The following ST6GALNAC6 variants were observed in gnomAD, a reference collection of about 807,000 sequenced individuals.
ST6GALNAC6 encodes ST6 N-acetylgalactosaminide alpha-2,6-sialyltransferase 6, also known as alpha-N-acetylgalactosaminide alpha-2,6-sialyltransferase 6.
A neutral mutation model predicts 34.3 loss-of-function variants in ST6GALNAC6; 19 were observed. The observed-to-expected ratio is 0.55, with a 90% confidence interval of 0.39 to 0.81. ST6GALNAC6 has a LOEUF of 0.81. Ranked by LOEUF, ST6GALNAC6 falls within the 40% of genes least tolerant of loss-of-function variation. The pLI is 0.00. For synonymous variants in ST6GALNAC6, 185 were observed against 182.1 expected, an observed-to-expected ratio of 1.02 and a Z score of -0.13; for missense variants, 377 against 467.7, an observed-to-expected ratio of 0.81 and a Z score of 1.79.
chr9:127,891,173 C>T (rs1564486799), intron 4 of ST6GALNAC6, 130 bp from the exon 5 acceptor site: 3 of 1,150,742 alleles, frequency 2.6e-6, no homozygotes, highest in Non-Finnish European at 3.6e-6. Context: ...CCCATTCATT[C>T]CACATTCAGC....
chr9:127,901,533 G>C (rs980502169), upstream of ST6GALNAC6, among the ~76,000 whole-genome samples: 1 of 150,598 alleles, frequency 6.6e-6, no homozygotes, highest in Non-Finnish European at 1.5e-5. Context: ...GCTTGAACCT[G>C]AGAGGCGGGA....
At position 127,890,543 on chromosome 9, in the gene ST6GALNAC6, G is replaced by T; in HGVS notation, c.704+94C>A. 1 of 1,565,582 alleles carries T rather than the reference G, an allele frequency of 6.4e-7. No individual in the cohort carries two copies. The highest frequency in any genetic ancestry group is 1.3e-5 in the African/African-American group (1 of 74,076). Reference sequence around the variant, plus strand: ...GACGGCGGGACTTGACTACCCCTCAGAGCAGTGCATGCTGGGAGCAACAGG... The same window carrying T: ...GACGGCGGGACTTGACTACCCCTCATAGCAGTGCATGCTGGGAGCAACAGG... On this transcript the variant is annotated intron_variant, in intron 5 of 6. Coordinates refer to ENST00000373146, the MANE Select transcript of ST6GALNAC6 (RefSeq NM_013443.5). The surrounding 1 kb of genome is among the most constrained non-coding windows in gnomAD (Gnocchi z 4.3).
chr9:127,894,788 T>C, intron 3 of ST6GALNAC6, 97 bp from the exon 4 acceptor site: 1 of 1,420,252 alleles, frequency 7.0e-7, no homozygotes. Flanking sequence ...TCCTGCTTTT[T>C]GTTGCAGACC....
upstream of ST6GALNAC6, among the ~76,000 whole-genome samples, chr9:127,901,732 G>T (rs1037310785): frequency 6.6e-6 from 1 of 152,210 alleles, no homozygotes; most frequent in African/African-American, 2.4e-5. Flanking sequence ...AGGAGTTTGA[G>T]ACAAGCCAGA....
chr9:127,895,974 C>G (rs553241287), intron 3 of ST6GALNAC6, among the ~76,000 whole-genome samples: 1 of 152,344 alleles, frequency 6.6e-6, no homozygotes, highest in South Asian at 2.1e-4. Context: ...ACAGTCACCT[C>G]GGCTAGTCCT....
chr9:127,903,642 C>T (rs1432124199), upstream of ST6GALNAC6: 1 of 152,222 alleles, frequency 6.6e-6, no homozygotes, highest in Non-Finnish European at 1.5e-5. Flanking sequence ...CCACCTCCAT[C>T]CGCTTCCTGA....
Position 127,886,025 on chromosome 9 carries a change from G to A in ST6GALNAC6, c.*574C>T, listed in dbSNP as rs187826118. The A allele has an allele frequency of 3.7e-3, 571 of 154,736 alleles. 2 individuals are homozygous for A. Among genetic ancestry groups the A allele is most frequent in the Non-Finnish European group, 5.3e-3 (368 of 69,792 alleles). The allele number at this position is 154,736 out of a possible 1,614,324, so 9.6% of individuals were successfully genotyped here. On this transcript the variant is annotated 3_prime_UTR_variant, in exon 7 of 7. Transcript: ENST00000373146. ...GAAGGGTGCCCAGAGAGGGGGAAGG[G>A]TTTGTCCAAGGTCTCAGGGCAGAGC...
Position 127,894,608 on chromosome 9 carries a change from G to A in ST6GALNAC6, c.201C>T (p.Val67=). Reference sequence around the variant, plus strand: ...GGCCCCGCAGGGAGCCGTAATGGAAGACCTCATTGGCACTGTTGGAGCTGT... The same window carrying A: ...GGCCCCGCAGGGAGCCGTAATGGAAAACCTCATTGGCACTGTTGGAGCTGT... The part of the protein sequence containing the change: ...ILYSSNSANE[V]FHYGSLRGRS... Residue 67 remains valine, a synonymous_variant, in exon 4 of 7, where the codon GTC becomes GTT. Coordinates refer to ENST00000373146, the MANE Select transcript of ST6GALNAC6 (RefSeq NM_013443.5). 2 of 1,614,218 alleles carry A rather than the reference G, an allele frequency of 1.2e-6. No individual in the cohort carries two copies. Among genetic ancestry groups the A allele is most frequent in the Non-Finnish European group, 1.7e-6 (2 of 1,180,038 alleles).
upstream of ST6GALNAC6, among the ~76,000 whole-genome samples, chr9:127,901,364 CG>C (rs1830752099): frequency 6.6e-6 from 1 of 151,628 alleles, no homozygotes; most frequent in Admixed American, 6.6e-5. Flanking sequence ...GGGAGGCAGG[CG>C]GATCACTTGA....
chr9:127,901,816 C>T (rs1403346332), upstream of ST6GALNAC6, among the ~76,000 whole-genome samples: 1 of 151,778 alleles, frequency 6.6e-6, no homozygotes, highest in African/African-American at 2.4e-5. Flanking sequence ...GCCTGTAGTC[C>T]TAGCTACCCT....
intron 5 of ST6GALNAC6, among the ~76,000 whole-genome samples, chr9:127,889,128 C>T (rs983252478): frequency 1.3e-5 from 2 of 152,020 alleles, no homozygotes; most frequent in African/African-American, 4.8e-5. Context: ...GCAGGTGGAT[C>T]GCCTGAGGTC....
chr9:127,906,123 G>T, upstream of ST6GALNAC6: 2 of 734,796 alleles, frequency 2.7e-6, no homozygotes, highest in Non-Finnish European at 3.3e-6. Flanking sequence ...CCAGGTCTCA[G>T]CCCCCTCTGT....
In ST6GALNAC6 at chr9:127,890,706, G is replaced by A; in HGVS notation, c.635C>T (p.Ala212Val). 6.2e-7 allele frequency: 1 copy of A among 1,613,732 alleles called. No individual in the cohort carries two copies. Among genetic ancestry groups the A allele is most frequent in the Non-Finnish European group, 8.5e-7 (1 of 1,180,022 alleles). Residue 212 changes from alanine (A) to valine (V), a missense_variant, in exon 5 of 7, where the codon GCA becomes GTA. By Grantham distance (64) the Ala-to-Val change is moderately conservative. Coordinates refer to ENST00000373146, the MANE Select transcript of ST6GALNAC6 (RefSeq NM_013443.5). The surrounding 1 kb of genome is among the most constrained non-coding windows in gnomAD (Gnocchi z 4.3). ...CATGCGGCCGGGAGAGACGGCATATGCTTCCATGTTGGGGAACACCAGGCC... is the reference window on the plus strand; with the variant it reads ...CATGCGGCCGGGAGAGACGGCATATACTTCCATGTTGGGGAACACCAGGCC... ...RAGLVFPNME[A>V]YAVSPGRMRQ...
Position 127,886,711 on chromosome 9 carries a change from T to C in ST6GALNAC6, c.890A>G (p.Gln297Arg). The part of the protein sequence containing the change: ...KGPDECVTYI[Q>R]NEHSRKGNHH... Reference sequence around the variant, plus strand: ...GTTGCCCTTGCGACTGTGCTCATTCTGGATGTAGGTGACACATTCGTCCGG... The same window carrying C: ...GTTGCCCTTGCGACTGTGCTCATTCCGGATGTAGGTGACACATTCGTCCGG... The change falls in exon 7 of 7, where the codon CAG becomes CGG. Residue 297 changes from glutamine to arginine, a missense_variant. Transcript: ENST00000373146. 1 of 1,614,146 alleles carries C rather than the reference T, an allele frequency of 6.2e-7. No individual in the cohort carries two copies. The highest frequency in any genetic ancestry group is 8.5e-7 in the Non-Finnish European group (1 of 1,180,000).
upstream of ST6GALNAC6, among the ~76,000 whole-genome samples, chr9:127,900,710 G>C (rs1830720861): frequency 6.6e-6 from 1 of 151,944 alleles, no homozygotes; most frequent in Non-Finnish European, 1.5e-5. Flanking sequence ...CCAGCACTTT[G>C]GGAGGCTGAG....
At position 127,890,628 on chromosome 9, in the gene ST6GALNAC6, G is replaced by C. The variant is rs778783893; in HGVS notation, c.704+9C>G. On this transcript the variant is annotated intron_variant, in intron 5 of 6. Coordinates refer to ENST00000373146, the MANE Select transcript of ST6GALNAC6 (RefSeq NM_013443.5). This position sits in a 1 kb window ranked among gnomAD's most constrained non-coding sequence, Gnocchi z 4.3. ...TGCTGGCCAGAGGGGGCAGGCAGGAGGCTGGTACCTGTCCTTGCCCGTCTC... is the reference window on the plus strand; with the variant it reads ...TGCTGGCCAGAGGGGGCAGGCAGGACGCTGGTACCTGTCCTTGCCCGTCTC... The C allele has an allele frequency of 1.0e-4, 163 of 1,612,980 alleles. 1 individual carries two copies.
chr9:127,899,340 C>T (rs1588660865), intron 1 of ST6GALNAC6, 163 bp downstream of exon 1: 1 of 291,568 alleles, frequency 3.4e-6, no homozygotes. Flanking sequence ...ACCGGAACCT[C>T]GGGGCGCGGC....
At chr9:127,902,159 G>T (rs1830779351), upstream of ST6GALNAC6, among the ~76,000 whole-genome samples, 3 of 151,976 alleles carry the variant, frequency 2.0e-5, no homozygotes, top group Admixed American at 1.3e-4. Context: ...TAGTGTTTTT[G>T]GTTTTTTGTT....
intron 4 of ST6GALNAC6, among the ~76,000 whole-genome samples, chr9:127,893,547 A>G (rs1830270933): frequency 6.6e-6 from 1 of 152,178 alleles, no homozygotes; most frequent in Non-Finnish European, 1.5e-5. Context: ...CCTTACTCCA[A>G]GATCCAGCAA....
Sources: gnomAD v4.1 joint callset for allele counts (sites outside exome capture counted in the v4.1 genomes callset) on GRCh38, gnomAD v4.1.1 for gene constraint, Gnocchi (gnomAD v3.1) non-coding constraint, MANE v1.5 for transcripts, NCBI Gene and HGNC (gene_info 2026-07-23, HGNC 2026-07-21) for gene names.